The following PTTG1 variants were observed in gnomAD, a reference collection of about 807,000 sequenced individuals.
PTTG1 encodes the protein PTTG1 regulator of sister chromatid separation, securin.
Under a neutral mutation model 20.0 loss-of-function variants are expected in PTTG1, and 8 were observed. The observed-to-expected ratio is 0.40, with a 90% CI of 0.23 to 0.72. PTTG1 has a LOEUF of 0.72. PTTG1 is among the 30% of genes least tolerant of loss of function. PTTG1 has a pLI of 0.38. For missense variants in PTTG1, 197 were observed against 236.0 expected (o/e 0.83, Z 1.08); for synonymous variants, 79 against 87.2 (o/e 0.91, Z 0.52).
At chr5:160,421,963 C>A in intron 1 of PTTG1, 72 bp downstream of exon 1, 1 of 176,222 alleles carries the variant, frequency 5.7e-6, no homozygotes, top group South Asian at 9.7e-5. Flanking sequence ...GCTGCGGCTG[C>A]GGCTGGGGCT....
intron 4 of PTTG1, among the ~76,000 whole-genome samples, chr5:160,427,051 ATATTCATT>A (rs1765821597): frequency 6.6e-6 from 1 of 152,076 alleles, no homozygotes; most frequent in South Asian, 2.1e-4. Flanking sequence ...CAAAAAAAAA[ATATTCATT>A]TTTTAATTTT....
At chr5:160,428,013 A>G in intron 5 of PTTG1, 140 bp downstream of exon 5, 1 of 1,110,150 alleles carries the variant, frequency 9.0e-7, no homozygotes, top group Non-Finnish European at 1.3e-6. Flanking sequence ...TTTTCAGAAA[A>G]ATAAACTATT....
At position 160,427,686 on chromosome 5, in the gene PTTG1, C is replaced by T. The variant is rs1264808149; in HGVS notation, c.371-29C>T. The T allele has an allele frequency of 3.1e-6, 5 of 1,608,010 alleles. No homozygotes were observed. The Middle Eastern group carries it at 6.6e-4, about 213-fold the overall frequency. Reference sequence around the variant, plus strand: ...ACAGCCCACACTAAGAACTGCTGCCCTGACAAAAACGCTTTCTCTCTGTAA... The same window carrying T: ...ACAGCCCACACTAAGAACTGCTGCCTTGACAAAAACGCTTTCTCTCTGTAA... On this transcript the variant is annotated intron_variant, in intron 4 of 5. Coordinates refer to ENST00000352433, the MANE Select transcript of PTTG1 (RefSeq NM_004219.4).
chr5:160,427,929 T>A, intron 5 of PTTG1, 56 bp downstream of exon 5: 1 of 1,603,748 alleles, frequency 6.2e-7, no homozygotes, highest in Admixed American at 1.7e-5. Context: ...TCATAACACT[T>A]CCATTACCAT....
rs554270004 is a variant in PTTG1 at position 160,426,097 on chromosome 5, C to T, written c.371-1618C>T. The stretch of plus-strand genomic sequence containing the variant: ...TTTGTTTTAAAGACCCTTTTACACT[C>T]TTAGAAATTATTGAAGACCACTTTT... On this transcript the variant is annotated intron_variant, in intron 4 of 5. Coordinates refer to ENST00000352433, the MANE Select transcript of PTTG1 (RefSeq NM_004219.4). Among the ~76,000 whole-genome samples, 3 of 152,238 alleles carry T rather than the reference C, an allele frequency of 2.0e-5. No homozygotes were observed. The South Asian group carries it at 6.2e-4, about 32-fold the overall frequency.
rs1456553544 is a variant in PTTG1 at position 160,427,766 on chromosome 5, TGAGTG to T, written c.428_432del (p.Gly143AlafsTer6). 1.2e-6 allele frequency: 2 copies of T among 1,614,166 alleles called. No homozygotes were observed. Among genetic ancestry groups the T allele is most frequent in the South Asian group, 2.2e-5 (2 of 91,078 alleles). On this transcript the variant is annotated frameshift_variant, in exon 5 of 6. Transcript: ENST00000352433. LOFTEE classifies it high-confidence loss of function. ...GAGCACCAGATTGCGCACCTCCCCT[TGAGTG>T]GAGTGCCTCTCATGATCCTTGACGA... is the stretch of plus-strand genomic sequence containing the variant.
At chr5:160,427,582 G>A in intron 4 of PTTG1, 133 bp from the exon 5 acceptor site, 2 of 1,034,428 alleles carry the variant, frequency 1.9e-6, no homozygotes, top group Non-Finnish European at 2.8e-6. Flanking sequence ...CAACCCAGTG[G>A]AAAAAGGTGT....
chr5:160,424,184 C>A, intron 3 of PTTG1, 53 bp from the exon 4 acceptor site: 1 of 1,312,454 alleles, frequency 7.6e-7, no homozygotes, highest in South Asian at 1.3e-5. Flanking sequence ...AAAAACTAAT[C>A]AGCTAATAAG....
At chr5:160,424,000 C>T (rs1765764398) in intron 3 of PTTG1, among the ~76,000 whole-genome samples, 1 of 152,200 alleles carries the variant, frequency 6.6e-6, no homozygotes, top group Non-Finnish European at 1.5e-5. Flanking sequence ...TCTGAATTAA[C>T]TGCATTCTTG....
Position 160,421,879 on chromosome 5 carries a change from T to G in PTTG1, c.-24T>G, listed in dbSNP as rs1765714112. ...CACCGCGGCCTCAGATGAATGCGGC[T>G]GTTAAGACCTGCGTGAGTGAATGGG... On this transcript the variant is annotated 5_prime_UTR_variant, in exon 1 of 6. Coordinates refer to ENST00000352433, the MANE Select transcript of PTTG1 (RefSeq NM_004219.4). 1 of 163,212 alleles carries G rather than the reference T, an allele frequency of 6.1e-6. No individual in the cohort carries two copies. The highest frequency in any genetic ancestry group is 6.0e-5 in the Admixed American group (1 of 16,734). The allele number at this position is 163,212 out of a possible 1,614,324, so 10.1% of individuals were successfully genotyped here. A position where few individuals can be genotyped will look rare whatever the true frequency, so the allele number is the denominator to read the frequency against.
In PTTG1 at chr5:160,422,292, T is replaced by A. The variant is rs1361191113; in HGVS notation, c.-11-10T>A. 6.3e-7 allele frequency: 1 copy of A among 1,593,072 alleles called. No individual in the cohort carries two copies. On this transcript the variant is annotated splice_polypyrimidine_tract_variant and intron_variant, in intron 1 of 5. Coordinates refer to ENST00000352433, the MANE Select transcript of PTTG1 (RefSeq NM_004219.4). ...TTCCCCAATATCTAATATGTATTTC[T>A]CATTCTTAGAATAATCCAGAATGGC...
chr5:160,426,414 G>A (rs1765810135), intron 4 of PTTG1, among the ~76,000 whole-genome samples: 1 of 152,172 alleles, frequency 6.6e-6, no homozygotes, highest in Admixed American at 6.5e-5. Flanking sequence ...AGTCTTTTCA[G>A]ATAAGTGTGG....
At chr5:160,426,252 GTT>G (rs1256063170) in intron 4 of PTTG1, among the ~76,000 whole-genome samples, 2 of 152,078 alleles carry the variant, frequency 1.3e-5, no homozygotes, top group African/African-American at 2.4e-5. Flanking sequence ...TTCTGGAAAA[GTT>G]TGGAGAAGAA....
chr5:160,422,463 C>G, intron 2 of PTTG1, 60 bp downstream of exon 2: 2 of 1,451,124 alleles, frequency 1.4e-6, no homozygotes, highest in Non-Finnish European at 1.9e-6. Context: ...TGGAGCTGGA[C>G]GAGACATTTA....
chr5:160,424,685 A>G (rs889988713), intron 4 of PTTG1: 1 of 168,098 alleles, frequency 5.9e-6, no homozygotes, highest in Non-Finnish European at 1.3e-5. Context: ...CCTGAGAGTA[A>G]TTTGGTAGGA....
intron 5 of PTTG1, 135 bp from the exon 6 acceptor site, chr5:160,428,467 G>C (rs756996200): frequency 8.0e-6 from 6 of 752,474 alleles, no homozygotes; most frequent in African/African-American, 1.8e-5. Context: ...CAAAAAATGT[G>C]TCAGGAGGGG....
chr5:160,422,463 C>T, intron 2 of PTTG1, 60 bp downstream of exon 2: 1 of 1,451,122 alleles, frequency 6.9e-7, no homozygotes, highest in Non-Finnish European at 9.7e-7. Context: ...TGGAGCTGGA[C>T]GAGACATTTA....
At chr5:160,427,657 A>T in intron 4 of PTTG1, 58 bp from the exon 5 acceptor site, 1 of 1,569,622 alleles carries the variant, frequency 6.4e-7, no homozygotes, top group South Asian at 1.2e-5. Flanking sequence ...ACCACAAGGG[A>T]TCTACAGCCC....
intron 5 of PTTG1, among the ~76,000 whole-genome samples, chr5:160,428,304 T>G (rs982306864): frequency 1.3e-5 from 2 of 152,234 alleles, no homozygotes; most frequent in Non-Finnish European, 2.9e-5. Context: ...AACATTATGT[T>G]TTCTGTTTGT....
Sources: allele counts gnomAD v4.1 joint callset (sites outside exome capture counted in the v4.1 genomes callset), GRCh38; gene constraint gnomAD v4.1.1; transcripts MANE v1.5; gene names NCBI Gene and HGNC (gene_info 2026-07-23, HGNC 2026-07-21).